The following KTN1 variants were observed in gnomAD, a reference collection of about 807,000 sequenced individuals.
KTN1 encodes the protein kinectin 1.
In KTN1, 130 loss-of-function variants were observed where a neutral mutation model predicts 222.5. That is an observed-to-expected ratio of 0.58 (90% CI 0.51 to 0.68). The LOEUF (loss-of-function observed/expected upper bound fraction) is 0.68. Among genes scored for constraint, KTN1 ranks in the 30% least tolerant of loss-of-function variants. The pLI, the probability that KTN1 is intolerant of heterozygous loss-of-function variation, is 0.00. For synonymous variants in KTN1, 512 were observed against 496.3 expected, an observed-to-expected ratio of 1.03 and a Z score of -0.42; for missense variants, 1,508 against 1,500.4, an observed-to-expected ratio of 1.01 and a Z score of -0.08.
At chr14:55,600,876 A>AT (rs545187187) in intron 1 of KTN1, among the ~76,000 whole-genome samples, 11,744 of 149,082 alleles carry the variant, frequency 0.079, 492 homozygotes, top group South Asian at 0.12. Context: ...TATAAATTAG[A>AT]TTTTTTTTTT....
At chr14:55,676,763 G>T (rs907734634) in intron 41 of KTN1, among the ~76,000 whole-genome samples, 2 of 152,066 alleles carry the variant, frequency 1.3e-5, no homozygotes, top group Non-Finnish European at 2.9e-5. Context: ...AGAGTTGAAA[G>T]AAATTTTTTT....
chr14:55,659,944 G>GA (rs1425907369), intron 31 of KTN1, among the ~76,000 whole-genome samples: 20 of 152,138 alleles, frequency 1.3e-4, no homozygotes, highest in African/African-American at 4.8e-4. Context: ...TAGGCATTCA[G>GA]AAAACATCAA....
intron 1 of KTN1, among the ~76,000 whole-genome samples, chr14:55,610,356 T>TAAA (rs3059141): frequency 0.061 from 9,143 of 150,724 alleles, 373 homozygotes; most frequent in South Asian, 0.09. Flanking sequence ...AACAATTGGT[T>TAAA]AAAAAAAAAA....
intron 41 of KTN1, among the ~76,000 whole-genome samples, chr14:55,676,939 T>C (rs768038515): frequency 1.1e-4 from 17 of 152,196 alleles, no homozygotes; most frequent in Non-Finnish European, 1.8e-4. Context: ...TTTACTTTGA[T>C]ACGTGATTTT....
chr14:55,678,388 G>A lies in KTN1; in HGVS notation c.3892G>A (p.Val1298Ile). The A allele has an allele frequency of 6.2e-7, 1 of 1,612,880 alleles. No homozygotes were observed. Among genetic ancestry groups the A allele is most frequent in the Non-Finnish European group, 8.5e-7 (1 of 1,178,944 alleles). ...ACTGGAGCTTATCCAGTCAAAAATA[G>A]TAAAAGCTGCTGGAGACACTACTGT... ...QSLELIQSKI[V>I]KAAGDTTVIE... is the part of the protein sequence containing the mutation. Residue 1298 changes from valine to isoleucine, a missense_variant, in exon 42 of 44, where the codon GTA (valine) becomes ATA (isoleucine). Coordinates refer to ENST00000395314, the MANE Select transcript of KTN1 (RefSeq NM_001079521.2).
chr14:55,675,403 T>G (rs2141360674), intron 40 of KTN1: 1 of 157,438 alleles, frequency 6.4e-6, no homozygotes, highest in East Asian at 1.9e-4. Context: ...TTGACTGGAT[T>G]TGTAGTCTTC....
chr14:55,582,560 T>C (rs1335400479), intron 1 of KTN1, among the ~76,000 whole-genome samples: 1 of 152,122 alleles, frequency 6.6e-6, no homozygotes, highest in Non-Finnish European at 1.5e-5. Context: ...ATCATAATTG[T>C]TTTTTTAAAA....
At chr14:55,654,536 A>G (rs1193644681) in intron 28 of KTN1, among the ~76,000 whole-genome samples, 1 of 125,418 alleles carries the variant, frequency 8.0e-6, no homozygotes, top group Non-Finnish European at 1.7e-5. Context: ...TTTCTGCCTT[A>G]CATTTTTTTT....
intron 28 of KTN1, among the ~76,000 whole-genome samples, chr14:55,654,002 T>C (rs907647253): frequency 1.3e-5 from 2 of 152,206 alleles, no homozygotes; most frequent in African/African-American, 4.8e-5. Flanking sequence ...ATAATGAATT[T>C]TAAACCTTTC....
In KTN1 at chr14:55,630,043, A is replaced by G; in HGVS notation, c.1167A>G (p.Val389=). ...RIGTLEKEHN[V]FQNKIHVSYQ... ...GAACATTAGAAAAGGAACATAATGTATTTCAAAACAAAATACATGTCAGTT... is the reference window on the plus strand; with the variant it reads ...GAACATTAGAAAAGGAACATAATGTGTTTCAAAACAAAATACATGTCAGTT... Residue 389 remains valine (V), a synonymous_variant, in exon 7 of 44, where the codon GTA becomes GTG. Transcript: ENST00000395314. The G allele has an allele frequency of 6.2e-7, 1 of 1,605,982 alleles. No homozygotes were observed. Among genetic ancestry groups the G allele is most frequent in the South Asian group, 1.1e-5 (1 of 90,926 alleles).
intron 1 of KTN1, among the ~76,000 whole-genome samples, chr14:55,609,109 G>C (rs2037173662): frequency 6.6e-6 from 1 of 151,654 alleles, no homozygotes; most frequent in South Asian, 2.1e-4. Context: ...TGTCATGGTG[G>C]TTTGCTGCAC....
chr14:55,617,971 A>G lies in KTN1; in HGVS notation c.669A>G (p.Val223=), dbSNP rs1268745427. Residue 223 remains valine (V), a synonymous_variant, in exon 4 of 44, where the codon GTA becomes GTG. Transcript: ENST00000395314. ...SKKQKTENVF[V]DEPLIHATTY... is the part of the protein sequence containing the mutation. ...GTTGAACTTAAATTGCAGTCTTCGT[A>G]GATGAACCCCTTATTCATGCAACTA... 1.3e-6 allele frequency: 2 copies of G among 1,578,318 alleles called. No individual in the cohort carries two copies. Among genetic ancestry groups the G allele is most frequent in the Non-Finnish European group, 1.7e-6 (2 of 1,165,560 alleles).
At chr14:55,645,469 G>A (rs1370366102) in intron 18 of KTN1, among the ~76,000 whole-genome samples, 2 of 152,132 alleles carry the variant, frequency 1.3e-5, no homozygotes, top group Non-Finnish European at 2.9e-5. Context: ...CTGGTAGGTA[G>A]GAGTAACTAA....
chr14:55,666,126 T>C lies in KTN1; in HGVS notation c.3178-1115T>C, dbSNP rs74699747. Among the ~76,000 whole-genome samples, 374 of 152,116 alleles carry C rather than the reference T, an allele frequency of 2.5e-3. 3 individuals are homozygous for C. The highest frequency in any genetic ancestry group is 8.6e-3 in the African/African-American group (357 of 41,570). On this transcript the variant is annotated intron_variant, in intron 33 of 43. Coordinates refer to ENST00000395314, the MANE Select transcript of KTN1 (RefSeq NM_001079521.2). Reference sequence around the variant, plus strand: ...TCATTGAATTATTGAAAATATCCTATTAAAACACCTATTGTAAAAATACTG... The same window carrying C: ...TCATTGAATTATTGAAAATATCCTACTAAAACACCTATTGTAAAAATACTG...
At chr14:55,630,594 C>G (rs887360418) in intron 7 of KTN1, among the ~76,000 whole-genome samples, 1 of 151,848 alleles carries the variant, frequency 6.6e-6, no homozygotes, top group African/African-American at 2.4e-5. Flanking sequence ...AGTAACTGCT[C>G]TATGAGAAAT....
At chr14:55,590,775 A>G (rs1296385100) in intron 1 of KTN1, among the ~76,000 whole-genome samples, 2 of 151,912 alleles carry the variant, frequency 1.3e-5, no homozygotes, top group South Asian at 2.1e-4. Context: ...TCCTAGGTTC[A>G]AGCGATTTTC....
intron 40 of KTN1, 114 bp from the exon 41 acceptor site, chr14:55,675,721 C>T: frequency 1.5e-6 from 1 of 653,924 alleles, no homozygotes; most frequent in Non-Finnish European, 2.7e-6. Context: ...ATTGGCTAAT[C>T]CACTGTACAT....
At chr14:55,675,748 C>A in intron 40 of KTN1, 87 bp from the exon 41 acceptor site, 1 of 823,628 alleles carries the variant, frequency 1.2e-6, no homozygotes, top group Non-Finnish European at 2.0e-6. Context: ...TGTTAGCAGT[C>A]CCATTCATTC....
chr14:55,637,127 C>A, intron 10 of KTN1, 71 bp from the exon 11 acceptor site: 4 of 1,140,652 alleles, frequency 3.5e-6, no homozygotes, highest in East Asian at 2.5e-5. Context: ...GAGAGAATGC[C>A]TACACGAAAG....
Sources: allele counts gnomAD v4.1 joint callset (sites outside exome capture counted in the v4.1 genomes callset), GRCh38; gene constraint gnomAD v4.1.1; transcripts MANE v1.5; gene names NCBI Gene and HGNC (gene_info 2026-07-23, HGNC 2026-07-21).